The following P2RX1 variants were observed in gnomAD, a reference collection of about 807,000 sequenced individuals.
P2RX1 encodes purinergic receptor P2X 1, also known as P2X purinoceptor 1.
In P2RX1, 42 loss-of-function variants were observed where a neutral mutation model predicts 50.3. That is an observed-to-expected ratio of 0.83 (90% CI 0.65 to 1.08). The LOEUF (loss-of-function observed/expected upper bound fraction) is 1.08, where lower values mean the gene tolerates loss of function less well. Among genes scored for constraint, P2RX1 ranks in the 50% least tolerant of loss-of-function variants. The pLI is 0.00. For missense variants in P2RX1, 449 were observed against 529.0 expected, an observed-to-expected ratio of 0.85 and a Z score of 1.48; for synonymous variants, 199 against 202.6, an observed-to-expected ratio of 0.98 and a Z score of 0.15.
At chr17:3,904,161 G>T in intron 4 of P2RX1, 137 bp from the exon 5 acceptor site, 1 of 1,007,454 alleles carries the variant, frequency 9.9e-7, no homozygotes, top group Non-Finnish European at 1.5e-6. Context: ...TCCCGGACGG[G>T]CAGGCCAAGC....
rs377544411 is a variant in P2RX1, at chr17:3,914,972, C to A, written c.137+1117G>T. On this transcript the variant is annotated intron_variant, in intron 1 of 11. Coordinates refer to ENST00000225538, the MANE Select transcript of P2RX1 (RefSeq NM_002558.4). The surrounding 1 kb of genome is among the most constrained non-coding windows in gnomAD (Gnocchi z 4.1). ...GGGACAGAAGGAGGGCTCTTTTGGA[C>A]GCCAGAAGTTTCCGGGGGACTAGGA... is the stretch of plus-strand genomic sequence containing the variant. Among the ~76,000 whole-genome samples the A allele has an allele frequency of 6.6e-6, 1 of 152,066 alleles. No individual in the cohort carries two copies.
At chr17:3,915,704 G>A (rs2052392086) in intron 1 of P2RX1, 1 of 471,962 alleles carries the variant, frequency 2.1e-6, no homozygotes, top group Non-Finnish European at 4.2e-6. Context: ...TGACGGGTGT[G>A]GGGTATGGCC....
rs766054770 is a variant in P2RX1 at position 3,904,349 on chromosome 17, C to T, written c.408G>A (p.Lys136=). The change falls in exon 4 of 12, where the codon AAG becomes AAA. Residue 136 remains lysine (K), a synonymous_variant. Transcript: ENST00000225538. ...CKEDSGCTPG[K]AKRKAQGIRT... Reference sequence around the variant, plus strand: ...CCTTACCTTGGGCCTTCCTCTTGGCCTTCCCAGGGGTACAGCCACTGTCTT... The same window carrying T: ...CCTTACCTTGGGCCTTCCTCTTGGCTTTCCCAGGGGTACAGCCACTGTCTT... The T allele has an allele frequency of 1.1e-5, 18 of 1,613,940 alleles. No homozygotes were observed. Among genetic ancestry groups the T allele is most frequent in the Non-Finnish European group, 1.5e-5 (18 of 1,179,978 alleles).
intron 7 of P2RX1, among the ~76,000 whole-genome samples, chr17:3,900,178 C>T (rs1052120968): frequency 1.3e-5 from 2 of 151,862 alleles, no homozygotes; most frequent in Non-Finnish European, 2.9e-5. Context: ...TGGAGCCGGG[C>T]GTGGTGGCTC....
chr17:3,901,017 TGCCAGGA>T (rs1169484978), intron 7 of P2RX1, among the ~76,000 whole-genome samples: 3 of 152,032 alleles, frequency 2.0e-5, no homozygotes, highest in Non-Finnish European at 2.9e-5. Flanking sequence ...CTGGGAAACT[TGCCAGGA>T]GCCTAGTTAC....
Position 3,899,034 on chromosome 17 carries a change from G to A in P2RX1, c.876-10C>T. ...AAAGTGCCTGGCAAACCTTGGGGAA[G>A]GGATGAGGTGGCAGGAGGGTGATGG... On this transcript the variant is annotated splice_polypyrimidine_tract_variant and intron_variant, in intron 8 of 11. Coordinates refer to ENST00000225538, the MANE Select transcript of P2RX1 (RefSeq NM_002558.4). 6.2e-7 allele frequency: 1 copy of A among 1,600,754 alleles called. No homozygotes were observed. Among genetic ancestry groups the A allele is most frequent in the Non-Finnish European group, 8.6e-7 (1 of 1,168,886 alleles).
chr17:3,915,982 G>T, intron 1 of P2RX1, 107 bp downstream of exon 1: 1 of 1,310,544 alleles, frequency 7.6e-7, no homozygotes, highest in Non-Finnish European at 1.1e-6. Flanking sequence ...CCTTCCCCTG[G>T]ATGGAGAGGA....
chr17:3,904,900 A>G lies in P2RX1; in HGVS notation c.315T>C (p.Asn105=), dbSNP rs1312857212. Residue 105 remains asparagine, a synonymous_variant, in exon 3 of 12, where the codon AAT becomes AAC. Transcript: ENST00000225538. ...GAGTCTGCTTCGGGGTCACGATGAA[A>G]TTGGTCATGACCACGAAGGAGTTGT... The part of the protein sequence containing the change: ...QGDNSFVVMT[N]FIVTPKQTQG... The G allele has an allele frequency of 2.3e-6, 3 of 1,333,138 alleles. No individual in the cohort carries two copies. In the East Asian group the frequency reaches 1.5e-4, roughly 64 times the overall value. 82.6% of individuals were successfully genotyped at this position (1,333,138 alleles called of 1,614,324 possible). A position where few individuals can be genotyped will look rare whatever the true frequency, so the allele number is the denominator to read the frequency against.
In P2RX1 at chr17:3,915,001, C is replaced by T. The variant is rs529011752; in HGVS notation, c.137+1088G>A. ...AGAAGTTTCCGGGGGACTAGGACTTCATGGTCCTTGTTTGGGCCCTGGGTC... is the reference window on the plus strand; with the variant it reads ...AGAAGTTTCCGGGGGACTAGGACTTTATGGTCCTTGTTTGGGCCCTGGGTC... On this transcript the variant is annotated intron_variant, in intron 1 of 11. Transcript: ENST00000225538. 2.0e-5 allele frequency among the ~76,000 whole-genome samples: 3 copies of T among 152,186 alleles called. No homozygotes were observed. In the South Asian group the frequency reaches 6.2e-4, roughly 32 times the overall value.
chr17:3,911,995 C>T (rs1049875089), intron 1 of P2RX1, among the ~76,000 whole-genome samples: 2 of 152,248 alleles, frequency 1.3e-5, no homozygotes, highest in African/African-American at 2.4e-5. Flanking sequence ...AGGAGCCACT[C>T]TTGTGCCTCG....
chr17:3,903,706 C>T lies in P2RX1; in HGVS notation c.525-75G>A. 1 of 1,520,070 alleles carries T rather than the reference C, an allele frequency of 6.6e-7. No homozygotes were observed. Among genetic ancestry groups the T allele is most frequent in the Non-Finnish European group, 9.1e-7 (1 of 1,098,484 alleles). 94.2% of individuals were successfully genotyped at this position (1,520,070 alleles called of 1,614,324 possible). On this transcript the variant is annotated intron_variant, in intron 5 of 11. Coordinates refer to ENST00000225538, the MANE Select transcript of P2RX1 (RefSeq NM_002558.4). The surrounding 1 kb of genome is among the most constrained non-coding windows in gnomAD (Gnocchi z 4.6). ...GTGTCCCACACAGAGCTTGGCACAG[C>T]AGGGGGTGGGCCGAGCCTCCGGGAC...
Position 3,916,168 on chromosome 17 carries a change from G to A in P2RX1, c.58C>T (p.Arg20Cys), listed in dbSNP as rs201679579. 2.1e-5 allele frequency: 34 copies of A among 1,613,282 alleles called. No individual in the cohort carries two copies. The highest frequency in any genetic ancestry group is 4.0e-5 in the African/African-American group (3 of 74,924). The change falls in exon 1 of 12, where the codon CGC becomes TGC. Residue 20 changes from arginine to cysteine, a missense_variant. Transcript: ENST00000225538. ...TTCTTATTACGCACCAGCACCATGC[G>A]GGGGGTGTCATACTCGAAGAGGAAG... ...AAFLFEYDTP[R>C]MVLVRNKKVG...
chr17:3,916,286 C>G lies in P2RX1; in HGVS notation c.-61G>C. 6.4e-7 allele frequency: 1 copy of G among 1,572,528 alleles called. No homozygotes were observed. Among genetic ancestry groups the G allele is most frequent in the Non-Finnish European group, 8.7e-7 (1 of 1,154,366 alleles). On this transcript the variant is annotated 5_prime_UTR_variant, in exon 1 of 12. Coordinates refer to ENST00000225538, the MANE Select transcript of P2RX1 (RefSeq NM_002558.4). ...CACGGCCTCTGCTCTCAGGGTGAGC[C>G]GGGTGCCACCACCCACGTCGATGGT...
At position 3,897,860 on chromosome 17, in the gene P2RX1, G is replaced by A. The variant is rs1252589901; in HGVS notation, c.1154C>T (p.Ala385Val). Residue 385 changes from alanine to valine, a missense_variant, in exon 12 of 12, where the codon GCT becomes GTT. Ala to Val is a moderately conservative substitution (Grantham distance 64, BLOSUM62 0). Coordinates refer to ENST00000225538, the MANE Select transcript of P2RX1 (RefSeq NM_002558.4). ...CTGCAGGCCCAGGGTGGAGCTGGTA[G>A]CTGCGAGGTCACGCTCAGCCTGTGT... The part of the protein sequence containing the change: ...GPGAAERDLA[A>V]TSSTLGLQEN... 7 of 1,613,822 alleles carry A rather than the reference G, an allele frequency of 4.3e-6. No homozygotes were observed. The South Asian group carries it at 7.7e-5, about 18-fold the overall frequency.
Position 3,898,555 on chromosome 17 carries a change from G to T in P2RX1, c.967-6C>A, listed in dbSNP as rs752449656. 1 of 1,612,306 alleles carries T rather than the reference G, an allele frequency of 6.2e-7. No homozygotes were observed. The highest frequency in any genetic ancestry group is 8.5e-7 in the Non-Finnish European group (1 of 1,178,510). Reference sequence around the variant, plus strand: ...ATGATGTCAAACTTCCCGGCCTGGTGGCAGGACCCAGGGAGAGAAGGGCTA... The same window carrying T: ...ATGATGTCAAACTTCCCGGCCTGGTTGCAGGACCCAGGGAGAGAAGGGCTA... On this transcript the variant is annotated splice_region_variant and splice_polypyrimidine_tract_variant and intron_variant, in intron 9 of 11. Transcript: ENST00000225538.
chr17:3,898,084 C>T lies in P2RX1; in HGVS notation c.1059G>A (p.Leu353=). 2 of 1,613,536 alleles carry T rather than the reference C, an allele frequency of 1.2e-6. No homozygotes were observed. The highest frequency in any genetic ancestry group is 2.2e-5 in the East Asian group (1 of 44,770). Reference sequence around the variant, plus strand: ...AGTGCCTCTTAGGCAGGATGTGAAGCAGCAGCAGGTCACAGAGAACTGTGG... The same window carrying T: ...AGTGCCTCTTAGGCAGGATGTGAAGTAGCAGCAGGTCACAGAGAACTGTGG... The part of the protein sequence containing the change: ...GVATVLCDLL[L]LHILPKRHYY... Residue 353 remains leucine, a synonymous_variant, in exon 11 of 12, where the codon CTG becomes CTA. Coordinates refer to ENST00000225538, the MANE Select transcript of P2RX1 (RefSeq NM_002558.4).
chr17:3,904,246 G>T, intron 4 of P2RX1, 84 bp downstream of exon 4: 1 of 1,335,272 alleles, frequency 7.5e-7, no homozygotes, highest in Non-Finnish European at 1.1e-6. Flanking sequence ...GTGGAGAGAG[G>T]CAGGTCAGCA....
At chr17:3,900,057 C>T (rs1183161284) in intron 7 of P2RX1, among the ~76,000 whole-genome samples, 1 of 151,924 alleles carries the variant, frequency 6.6e-6, no homozygotes, top group African/African-American at 2.4e-5. Context: ...GCCGAGATCC[C>T]ACCACTGCAC....
chr17:3,906,857 C>T (rs1169674832), intron 1 of P2RX1, among the ~76,000 whole-genome samples: 1 of 152,324 alleles, frequency 6.6e-6, no homozygotes, highest in East Asian at 1.9e-4. Flanking sequence ...TCTAAGGACA[C>T]GCACATGACC....
Sources: gnomAD v4.1 joint callset for allele counts (sites outside exome capture counted in the v4.1 genomes callset) on GRCh38, gnomAD v4.1.1 for gene constraint, Gnocchi (gnomAD v3.1) non-coding constraint, MANE v1.5 for transcripts, NCBI Gene and HGNC (gene_info 2026-07-23, HGNC 2026-07-21) for gene names.